Variants in NLGN4X observed in about 807,000 individuals in gnomAD.
The protein encoded by NLGN4X is neuroligin-4, X-linked.
A neutral mutation model predicts 40.3 loss-of-function variants in NLGN4X; 3 were observed. The observed-to-expected ratio is 0.07, with a 90% CI of 0.03 to 0.19. NLGN4X has a LOEUF of 0.19. Ranked by LOEUF, NLGN4X falls within the 10% of genes least tolerant of loss-of-function variation. The probability of loss-of-function intolerance (pLI) is 1.00; values close to 1 mark genes in which losing one functional copy is unlikely to be tolerated. For synonymous variants in NLGN4X, 270 were observed against 306.8 expected (o/e 0.88, Z 1.25); for missense variants, 382 against 708.3 (o/e 0.54, Z 5.23).
chrX:6,082,372 C>CA (rs771877596), intron 2 of NLGN4X, among the ~76,000 whole-genome samples: 31,413 of 98,397 alleles, frequency 0.32, 4,377 homozygotes, highest in African/African-American at 0.48. Flanking sequence ...TGTGTCTCCA[C>CA]AAAAAAAAAA....
intron 2 of NLGN4X, among the ~76,000 whole-genome samples, chrX:6,061,395 A>T (rs950855922): frequency 2.1e-5 from 2 of 96,830 alleles, no homozygotes; most frequent in African/African-American, 7.4e-5. Flanking sequence ...TAGATTTTCC[A>T]TCTTAAAAGC....
chrX:6,056,762 C>A (rs1206647956), intron 2 of NLGN4X, among the ~76,000 whole-genome samples: 1 of 111,993 alleles, frequency 8.9e-6, no homozygotes, highest in Non-Finnish European at 1.9e-5. Context: ...GACCAGTCCA[C>A]TGTGAAGGTG....
At chrX:6,056,866 T>C (rs1396312348) in intron 2 of NLGN4X, among the ~76,000 whole-genome samples, 1 of 112,144 alleles carries the variant, frequency 8.9e-6, no homozygotes, top group Non-Finnish European at 1.9e-5. Context: ...AAGCATCAAT[T>C]GACAAAAATC....
chrX:6,089,361 TGAA>T lies in NLGN4X; in HGVS notation c.473-59932_473-59930del, dbSNP rs200485436. ...GTAGTTTGTACATGGCTATACTTTC[TGAA>T]GAAGAAGAAGAACAGCACATTAATG... On this transcript the variant is annotated intron_variant, in intron 2 of 5. Transcript: ENST00000381095. 8.6e-3 allele frequency among the ~76,000 whole-genome samples: 963 copies of T among 112,138 alleles called. 33 individuals are homozygous for T. Among genetic ancestry groups the T allele is most frequent in the Admixed American group, 0.084 (879 of 10,480 alleles).
At chrX:6,040,339 G>A (rs2037123893) in intron 2 of NLGN4X, among the ~76,000 whole-genome samples, 1 of 111,238 alleles carries the variant, frequency 9.0e-6, no homozygotes, top group African/African-American at 3.3e-5. Flanking sequence ...ATTTGCCCAA[G>A]TTTACACAGT....
intron 2 of NLGN4X, among the ~76,000 whole-genome samples, chrX:6,040,049 G>A (rs895404545): frequency 9.0e-6 from 1 of 111,256 alleles, no homozygotes; most frequent in African/African-American, 3.3e-5. Context: ...GTGATTCTTC[G>A]ACCTCAGCCT....
At chrX:6,033,399 T>C (rs1383216809) in intron 2 of NLGN4X, among the ~76,000 whole-genome samples, 4 of 112,445 alleles carry the variant, frequency 3.6e-5, no homozygotes, top group African/African-American at 9.7e-5. Context: ...CTACCCACTA[T>C]TCACTCTTGT....
chrX:6,151,499 C>G lies in NLGN4X; in HGVS notation c.-33G>C. The stretch of plus-strand genomic sequence containing the variant: ...ATCTGCATCCACATCCACAGCTGTC[C>G]CAGTGATGTGGCTCCAAGGAGACAA... On this transcript the variant is annotated 5_prime_UTR_variant, in exon 2 of 6. Transcript: ENST00000381095. The G allele has an allele frequency of 1.7e-6, 2 of 1,145,993 alleles. No homozygotes were observed. Among genetic ancestry groups the G allele is most frequent in the Non-Finnish European group, 2.4e-6 (2 of 836,391 alleles). 94.4% of individuals were successfully genotyped at this position (1,145,993 alleles called of 1,213,427 possible). A position where few individuals can be genotyped will look rare whatever the true frequency, so the allele number is the denominator to read the frequency against.
At chrX:5,928,828 G>T (rs1453937868) in intron 3 of NLGN4X, among the ~76,000 whole-genome samples, 1 of 106,998 alleles carries the variant, frequency 9.3e-6, no homozygotes, top group Non-Finnish European at 1.9e-5. Context: ...TACAGTTATA[G>T]AAAGACTTAT....
intron 2 of NLGN4X, among the ~76,000 whole-genome samples, chrX:6,111,492 A>T (rs12845396): frequency 0.31 from 33,820 of 110,336 alleles, 4,068 homozygotes; most frequent in African/African-American, 0.43. Context: ...TAATCCCAAC[A>T]CTTTAGGAGG....
At chrX:6,113,477 G>A (rs891171697) in intron 2 of NLGN4X, among the ~76,000 whole-genome samples, 4 of 111,071 alleles carry the variant, frequency 3.6e-5, no homozygotes, top group Non-Finnish European at 7.5e-5. Context: ...AAAAAGTAGT[G>A]ACACAGGTAT....
intron 1 of NLGN4X, among the ~76,000 whole-genome samples, chrX:6,210,309 G>A (rs1432920219): frequency 9.3e-6 from 1 of 107,835 alleles, no homozygotes; most frequent in Admixed American, 1.0e-4. Flanking sequence ...GCTACCTTCT[G>A]ACACCCCTCT....
intron 3 of NLGN4X, among the ~76,000 whole-genome samples, chrX:5,960,444 T>C (rs945137939): frequency 1.8e-5 from 2 of 111,464 alleles, no homozygotes; most frequent in Non-Finnish European, 1.9e-5. Flanking sequence ...AGAGTAAACA[T>C]ATTTTAAAAG....
intron 3 of NLGN4X, among the ~76,000 whole-genome samples, chrX:5,965,762 T>C (rs1004299616): frequency 2.7e-5 from 3 of 112,032 alleles, no homozygotes; most frequent in Non-Finnish European, 5.6e-5. Context: ...GTGACACTTT[T>C]ATTAAATGAG....
intron 1 of NLGN4X, chrX:6,187,350 G>C (rs1271374627): frequency 9.6e-6 from 1 of 104,665 alleles, no homozygotes; most frequent in East Asian, 3.2e-4. Flanking sequence ...GCGAGCGCCC[G>C]TAGCCCCAGC....
chrX:6,225,129 T>G (rs1338954955), intron 1 of NLGN4X, among the ~76,000 whole-genome samples: 1 of 103,695 alleles, frequency 9.6e-6, no homozygotes, highest in East Asian at 3.1e-4. Context: ...ATTTCTAATC[T>G]GAGAAAATAC....
At chrX:5,936,508 T>C (rs1228301094) in intron 3 of NLGN4X, among the ~76,000 whole-genome samples, 2 of 112,103 alleles carry the variant, frequency 1.8e-5, no homozygotes, top group Non-Finnish European at 3.8e-5. Flanking sequence ...TCAGTTGCTG[T>C]GCCTGGAGAA....
At chrX:5,914,614 GTATGTA>G (rs1415046387) in intron 3 of NLGN4X, among the ~76,000 whole-genome samples, 4 of 42,033 alleles carry the variant, frequency 9.5e-5, no homozygotes, top group African/African-American at 5.1e-4. Flanking sequence ...TATAATATAT[GTATGTA>G]TATATATATA....
At chrX:5,975,612 CAAAAA>C (rs60917858) in intron 3 of NLGN4X, among the ~76,000 whole-genome samples, 1 of 53,881 alleles carries the variant, frequency 1.9e-5, no homozygotes, top group African/African-American at 6.6e-5. Context: ...GACTCCGTTT[CAAAAA>C]AAAAAAAAAA....
Sources: allele counts gnomAD v4.1 joint callset (sites outside exome capture counted in the v4.1 genomes callset), GRCh38; gene constraint gnomAD v4.1.1; transcripts MANE v1.5; gene names NCBI Gene and HGNC (gene_info 2026-07-23, HGNC 2026-07-21).